The following GOLGA5 variants were observed in gnomAD, a reference collection of about 807,000 sequenced individuals.
The protein encoded by GOLGA5 is golgin subfamily A member 5.
Under a neutral mutation model 93.5 loss-of-function variants are expected in GOLGA5, and 50 were observed. That is an observed-to-expected ratio of 0.53 (90% CI 0.43 to 0.68). The LOEUF (loss-of-function observed/expected upper bound fraction) is 0.68. Among genes scored for constraint, GOLGA5 ranks in the 30% least tolerant of loss-of-function variants. GOLGA5 has a pLI of 0.00. For missense variants in GOLGA5, 760 were observed against 856.4 expected, an observed-to-expected ratio of 0.89 and a Z score of 1.40; for synonymous variants, 312 against 304.5, an observed-to-expected ratio of 1.02 and a Z score of -0.26.
intron 4 of GOLGA5, 108 bp from the exon 5 acceptor site, chr14:92,810,146 A>T (rs563968926): frequency 2.7e-6 from 2 of 732,296 alleles, no homozygotes; most frequent in Admixed American, 5.9e-5. Flanking sequence ...TATTTCAGTC[A>T]AATTATCTTT....
chr14:92,811,553 C>A lies in GOLGA5; in HGVS notation c.1119C>A (p.Ser373Arg). Reference protein sequence around the residue: ...REQESYKQMQSEFAARLNKVE... With the variant: ...REQESYKQMQREFAARLNKVE... Reference sequence around the variant, plus strand: ...TATGATATAAAAATTTGTCACAGAGCGAGTTTGCTGCACGCCTTAATAAAG... The same window carrying A: ...TATGATATAAAAATTTGTCACAGAGAGAGTTTGCTGCACGCCTTAATAAAG... The change falls in exon 6 of 13, where the codon AGC becomes AGA. Residue 373 changes from serine to arginine, a missense_variant and splice_region_variant. Physicochemically the swap from Ser to Arg is moderately radical, Grantham distance 110. Transcript: ENST00000163416. 1.3e-6 allele frequency: 2 copies of A among 1,599,682 alleles called. No homozygotes were observed. The highest frequency in any genetic ancestry group is 2.2e-5 in the East Asian group (1 of 44,816).
At chr14:92,805,943 T>A (rs1884974879) in intron 2 of GOLGA5, among the ~76,000 whole-genome samples, 1 of 149,980 alleles carries the variant, frequency 6.7e-6, no homozygotes, top group South Asian at 2.1e-4. Context: ...TGTGTCTCTA[T>A]CTCTTTGGGT....
intron 12 of GOLGA5, among the ~76,000 whole-genome samples, chr14:92,837,870 C>G (rs1885679610): frequency 6.6e-6 from 1 of 152,122 alleles, no homozygotes; most frequent in Non-Finnish European, 1.5e-5. Context: ...AGCCAGCAGA[C>G]AGTTTGGAAA....
rs1884760516 is a variant in GOLGA5 at position 92,797,518 on chromosome 14, T to C, written c.81T>C (p.Ser27=). 7.4e-6 allele frequency: 12 copies of C among 1,613,110 alleles called. No individual in the cohort carries two copies. Among genetic ancestry groups the C allele is most frequent in the Non-Finnish European group, 1.0e-5 (12 of 1,179,128 alleles). Residue 27 remains serine, a synonymous_variant, in exon 2 of 13, where the codon AGT becomes AGC. Coordinates refer to ENST00000163416, the MANE Select transcript of GOLGA5 (RefSeq NM_005113.4). ...RVDQGAATAL[S]RKDNASNIYS... is the part of the protein sequence containing the mutation. Reference sequence around the variant, plus strand: ...ATCAAGGGGCTGCAACAGCTCTCAGTAGGAAAGACAATGCCAGCAACATAT... The same window carrying C: ...ATCAAGGGGCTGCAACAGCTCTCAGCAGGAAAGACAATGCCAGCAACATAT...
intron 8 of GOLGA5, among the ~76,000 whole-genome samples, chr14:92,824,056 A>G (rs1885367724): frequency 6.6e-6 from 1 of 152,052 alleles, no homozygotes; most frequent in Admixed American, 6.6e-5. Flanking sequence ...ATTGTTTTAT[A>G]TTCTGCCACC....
Position 92,810,378 on chromosome 14 carries a change from G to A in GOLGA5, c.1116+1G>A. On this transcript the variant is annotated splice_donor_variant, in intron 5 of 12. Coordinates refer to ENST00000163416, the MANE Select transcript of GOLGA5 (RefSeq NM_005113.4). LOFTEE classifies it high-confidence loss of function. ...GCAGGAGAGCTATAAACAGATGCAG[G>A]TTAGAATGAGAGACAGCAGATTCCT... 6.4e-7 allele frequency: 1 copy of A among 1,560,554 alleles called. No individual in the cohort carries two copies. Among genetic ancestry groups the A allele is most frequent in the Non-Finnish European group, 8.6e-7 (1 of 1,158,568 alleles).
At position 92,797,843 on chromosome 14, in the gene GOLGA5, G is replaced by A. The variant is rs764349513; in HGVS notation, c.406G>A (p.Gly136Arg). ...TAATAGTTCACAGAAGGAGCCTACC[G>A]GGAGGGTGGAAATCAGAAAGGAAAA... ...FLNSSQKEPT[G>R]RVEIRKEKGK... Residue 136 changes from glycine to arginine, a missense_variant, in exon 2 of 13, where the codon GGG (glycine) becomes AGG (arginine). Physicochemically the swap from Gly to Arg is moderately radical, Grantham distance 125 (BLOSUM62 -2). Coordinates refer to ENST00000163416, the MANE Select transcript of GOLGA5 (RefSeq NM_005113.4). 9.3e-6 allele frequency: 15 copies of A among 1,613,850 alleles called. No individual in the cohort carries two copies. Among genetic ancestry groups the A allele is most frequent in the East Asian group, 6.7e-5 (3 of 44,898 alleles).
intron 2 of GOLGA5, among the ~76,000 whole-genome samples, chr14:92,805,346 A>C (rs555426369): frequency 4.0e-4 from 61 of 152,168 alleles, no homozygotes; most frequent in African/African-American, 1.2e-3. Context: ...CTGTTTTATT[A>C]TGTAGTACTC....
At chr14:92,795,656 A>G (rs1392388368) in intron 1 of GOLGA5, among the ~76,000 whole-genome samples, 1 of 152,218 alleles carries the variant, frequency 6.6e-6, no homozygotes, top group Non-Finnish European at 1.5e-5. Flanking sequence ...GACTCTGGGA[A>G]TTCATTGGTG....
intron 10 of GOLGA5, among the ~76,000 whole-genome samples, chr14:92,834,997 G>T (rs940330411): frequency 1.3e-5 from 2 of 152,220 alleles, no homozygotes; most frequent in African/African-American, 4.8e-5. Context: ...AGAGAAAGAA[G>T]TCAAGAGTTT....
chr14:92,828,525 T>C (rs1412464241), intron 9 of GOLGA5, among the ~76,000 whole-genome samples: 1 of 152,254 alleles, frequency 6.6e-6, no homozygotes, highest in Non-Finnish European at 1.5e-5. Flanking sequence ...AATAGAGCTG[T>C]ACAAGGAGAT....
intron 9 of GOLGA5, among the ~76,000 whole-genome samples, chr14:92,827,928 A>G (rs983080153): frequency 9.2e-5 from 14 of 152,218 alleles, no homozygotes; most frequent in African/African-American, 3.1e-4. Context: ...TGTGAAGGCT[A>G]AGAGAGGTGA....
rs764646468 is a variant in GOLGA5 at position 92,809,530 on chromosome 14, C to T, written c.992+11C>T. ...GAGTGAAAAATCACGGTAGGTGATT[C>T]TATGAATAATGAAAAAAATGAGCAA... On this transcript the variant is annotated intron_variant, in intron 4 of 12. Transcript: ENST00000163416. 3.3e-6 allele frequency: 5 copies of T among 1,512,784 alleles called. No individual in the cohort carries two copies. The Admixed American group carries it at 5.1e-5, about 15-fold the overall frequency. 93.7% of individuals were successfully genotyped at this position (1,512,784 alleles called of 1,614,324 possible).
At chr14:92,838,286 T>C (rs886612389) in intron 12 of GOLGA5, among the ~76,000 whole-genome samples, 2 of 152,166 alleles carry the variant, frequency 1.3e-5, no homozygotes, top group Admixed American at 6.5e-5. Context: ...AATGGGCTGT[T>C]TTCTTGAAAA....
rs377532990 is a variant in GOLGA5 at position 92,835,599 on chromosome 14, A to T, written c.1986A>T (p.Thr662=). ...LRNVPVLFND[T]ETNLAGMYGK... ...ATGTTCCTGTTCTTTTTAATGACAC[A>T]GAAACTAATCTGGCAGGAATGTACG... is the stretch of plus-strand genomic sequence containing the variant. Residue 662 remains threonine, a synonymous_variant, in exon 11 of 13, where the codon ACA becomes ACT. Transcript: ENST00000163416. 4 of 1,613,580 alleles carry T rather than the reference A, an allele frequency of 2.5e-6. No individual in the cohort carries two copies. Among genetic ancestry groups the T allele is most frequent in the Non-Finnish European group, 3.4e-6 (4 of 1,179,656 alleles).
intron 6 of GOLGA5, among the ~76,000 whole-genome samples, chr14:92,814,024 G>A (rs1051498584): frequency 6.6e-6 from 1 of 151,998 alleles, no homozygotes; most frequent in Admixed American, 6.6e-5. Context: ...TAATAAAAGG[G>A]GAAACAGGAA....
rs553227643 is a variant in GOLGA5, at chr14:92,806,248, G to A, written c.545-488G>A. Among the ~76,000 whole-genome samples the A allele has an allele frequency of 4.6e-5, 7 of 152,276 alleles. No homozygotes were observed. In the South Asian group the frequency reaches 1.5e-3, roughly 32 times the overall value. The stretch of plus-strand genomic sequence containing the variant: ...TATCCAGACTTGAGTATCCTTAGAG[G>A]TCCATATGCCCCATTTATGAGAATG... On this transcript the variant is annotated intron_variant, in intron 2 of 12. Transcript: ENST00000163416.
intron 2 of GOLGA5, among the ~76,000 whole-genome samples, chr14:92,798,580 A>G (rs1305788832): frequency 6.6e-6 from 1 of 152,238 alleles, no homozygotes; most frequent in East Asian, 1.9e-4. Flanking sequence ...AATGAGATTA[A>G]CGTGGTAAAT....
intron 9 of GOLGA5, among the ~76,000 whole-genome samples, chr14:92,830,407 A>ATTT (rs35482590): frequency 1.4e-5 from 2 of 147,994 alleles, no homozygotes; most frequent in East Asian, 2.0e-4. Flanking sequence ...TGTGACTGGT[A>ATTT]TTTTTTTTTT....
Sources: gnomAD v4.1 joint callset for allele counts (sites outside exome capture counted in the v4.1 genomes callset) on GRCh38, gnomAD v4.1.1 for gene constraint, MANE v1.5 for transcripts, NCBI Gene and HGNC (gene_info 2026-07-23, HGNC 2026-07-21) for gene names.